TMCO5A: variants seen among roughly 807,000 people sequenced by gnomAD.
TMCO5A encodes the protein transmembrane and coiled-coil domains 5A, also known as transmembrane and coiled-coil domain-containing protein 5A.
A neutral mutation model predicts 42.3 loss-of-function variants in TMCO5A; 34 were observed. The observed-to-expected ratio is 0.80, with a 90% CI of 0.61 to 1.07. TMCO5A has a LOEUF of 1.07. Ranked by LOEUF, TMCO5A falls within the 50% of genes least tolerant of loss-of-function variation. The pLI, the probability that TMCO5A is intolerant of heterozygous loss-of-function variation, is 0.00. For missense variants in TMCO5A, 357 were observed against 327.9 expected (o/e 1.09, Z -0.69); for synonymous variants, 131 against 115.6 (o/e 1.13, Z -0.86).
intron 11 of TMCO5A, among the ~76,000 whole-genome samples, chr15:37,960,951 G>C (rs1890410005): frequency 6.6e-6 from 1 of 152,086 alleles, no homozygotes; most frequent in South Asian, 2.1e-4. Context: ...TCCCTTGTCA[G>C]ATGTGTAGAT....
At chr15:38,013,508 C>T in the TMCO5A span, among the ~76,000 whole-genome samples, 1 of 152,156 alleles carries the variant, frequency 6.6e-6, no homozygotes, top group Non-Finnish European at 1.5e-5. Flanking sequence ...ATAACAGCCA[C>T]ACTCTTGTCA....
At chr15:38,020,720 T>C in the TMCO5A span, among the ~76,000 whole-genome samples, 9 of 152,140 alleles carry the variant, frequency 5.9e-5, no homozygotes, top group Admixed American at 2.0e-4. Context: ...ACATCTTAAA[T>C]ATATATAATT....
rs1410935620 is a variant in TMCO5A at position 37,936,980 on chromosome 15, A to C, written c.264+10A>C. 2 of 1,611,732 alleles carry C rather than the reference A, an allele frequency of 1.2e-6. No individual in the cohort carries two copies. Among genetic ancestry groups the C allele is most frequent in the Admixed American group, 3.3e-5 (2 of 59,850 alleles). ...AGAAACAGCCAGACTTGTAAGCAAG[A>C]AGTTGGGAAGAGCCATTTAATAGGT... On this transcript the variant is annotated intron_variant, in intron 4 of 11. Transcript: ENST00000319669.
the TMCO5A span, among the ~76,000 whole-genome samples, chr15:38,032,117 G>A: frequency 6.6e-6 from 1 of 152,016 alleles, no homozygotes; most frequent in African/African-American, 2.4e-5. Flanking sequence ...CACCACGCCT[G>A]GCTAATTTTG....
intron 4 of TMCO5A, 149 bp from the exon 5 acceptor site, chr15:37,937,197 G>C: frequency 1.8e-6 from 2 of 1,090,918 alleles, no homozygotes; most frequent in South Asian, 3.0e-5. Context: ...TATTTCACCT[G>C]TGGTTTGATT....
intron 3 of TMCO5A, 108 bp downstream of exon 3, chr15:37,936,571 G>C: frequency 7.3e-7 from 1 of 1,374,546 alleles, no homozygotes; most frequent in Non-Finnish European, 9.8e-7. Context: ...ACCTTGTGTG[G>C]CAAAAAGTTA....
the TMCO5A span, among the ~76,000 whole-genome samples, chr15:38,000,358 T>C: frequency 9.7e-4 from 148 of 152,230 alleles, no homozygotes; most frequent in African/African-American, 3.5e-3. Flanking sequence ...TGGTATTGGT[T>C]GTAATGTCTC....
chr15:37,964,115 T>C (rs753156205), intron 11 of TMCO5A, among the ~76,000 whole-genome samples: 61 of 152,168 alleles, frequency 4.0e-4, no homozygotes, highest in Admixed American at 6.6e-4. Flanking sequence ...TGGTTCCTTC[T>C]CATTTGGGTA....
the TMCO5A span, among the ~76,000 whole-genome samples, chr15:38,018,034 G>A: frequency 2.0e-5 from 3 of 152,082 alleles, no homozygotes; most frequent in Non-Finnish European, 4.4e-5. Context: ...GGCCTCCCCA[G>A]CCATGCAGAA....
At chr15:37,990,981 A>G in the TMCO5A span, among the ~76,000 whole-genome samples, 3 of 152,132 alleles carry the variant, frequency 2.0e-5, no homozygotes, top group South Asian at 6.2e-4. Flanking sequence ...AAAAGCATAA[A>G]TAACTGTTTT....
chr15:38,032,276 G>T, the TMCO5A span, among the ~76,000 whole-genome samples: 1 of 152,132 alleles, frequency 6.6e-6, no homozygotes, highest in Non-Finnish European at 1.5e-5. Flanking sequence ...TTATGTATCA[G>T]CATAAACAGC....
At chr15:37,990,406 G>T in the TMCO5A span, among the ~76,000 whole-genome samples, 5 of 151,954 alleles carry the variant, frequency 3.3e-5, no homozygotes, top group Admixed American at 3.3e-4. Flanking sequence ...AGTCAATTTT[G>T]CCAGATATTA....
chr15:37,951,891 C>A (rs189359346), downstream of TMCO5A, among the ~76,000 whole-genome samples: 37 of 152,164 alleles, frequency 2.4e-4, no homozygotes, highest in East Asian at 7.0e-3. Context: ...CCAACACCCC[C>A]CCTTTCCCAT....
the TMCO5A span, among the ~76,000 whole-genome samples, chr15:38,039,641 T>C: frequency 0.02 from 3,111 of 152,296 alleles, 110 homozygotes; most frequent in African/African-American, 0.068. Context: ...AAGCACATAC[T>C]TGAACTTCCA....
chr15:38,029,367 C>CCACACA, the TMCO5A span, among the ~76,000 whole-genome samples: 2,168 of 148,030 alleles, frequency 0.015, 29 homozygotes, highest in African/African-American at 0.039. Context: ...CATGAATACA[C>CCACACA]CACACACACA....
intron 11 of TMCO5A, among the ~76,000 whole-genome samples, chr15:37,963,211 A>C (rs978506039): frequency 6.6e-6 from 1 of 152,040 alleles, no homozygotes; most frequent in Non-Finnish European, 1.5e-5. Flanking sequence ...TCCTCTTAGC[A>C]CCACCTTTGC....
chr15:37,950,229 G>A (rs1890111301), intron 11 of TMCO5A, among the ~76,000 whole-genome samples: 1 of 151,572 alleles, frequency 6.6e-6, no homozygotes, highest in African/African-American at 2.4e-5. Flanking sequence ...CAAAGAATCT[G>A]TAGACATATT....
the TMCO5A span, among the ~76,000 whole-genome samples, chr15:38,032,630 C>T: frequency 6.6e-6 from 1 of 152,154 alleles, no homozygotes; most frequent in Non-Finnish European, 1.5e-5. Flanking sequence ...TCGATGTTCC[C>T]ATGAGTGTCC....
the TMCO5A span, among the ~76,000 whole-genome samples, chr15:37,978,110 CAACGGG>C: frequency 2.0e-5 from 3 of 152,186 alleles, no homozygotes; most frequent in Non-Finnish European, 2.9e-5. Context: ...CAGCCACTGC[CAACGGG>C]AACGGGAACG....
Sources: gnomAD v4.1 joint callset for allele counts (sites outside exome capture counted in the v4.1 genomes callset) on GRCh38, gnomAD v4.1.1 for gene constraint, MANE v1.5 for transcripts, NCBI Gene and HGNC (gene_info 2026-07-23, HGNC 2026-07-21) for gene names.